Variants in EPB41L5 observed in about 807,000 individuals in gnomAD.
The protein encoded by EPB41L5 is erythrocyte membrane protein band 4.1 like 5, also known as band 4.1-like protein 5.
A neutral mutation model predicts 106.6 loss-of-function variants in EPB41L5; 55 were observed. The observed-to-expected ratio is 0.52, with a 90% CI of 0.42 to 0.65. The LOEUF is 0.65. Ranked by LOEUF, EPB41L5 falls within the 30% of genes least tolerant of loss-of-function variation. EPB41L5 has a pLI of 0.00. For missense variants in EPB41L5, 871 were observed against 882.1 expected (o/e 0.99, Z 0.16); for synonymous variants, 297 against 306.7 (o/e 0.97, Z 0.33).
chr2:120,071,064 G>A (rs1223568351), intron 3 of EPB41L5, among the ~76,000 whole-genome samples: 1 of 152,174 alleles, frequency 6.6e-6, no homozygotes, highest in Non-Finnish European at 1.5e-5. Flanking sequence ...GTTTGCAGAT[G>A]ACATGATTGT....
intron 11 of EPB41L5, 93 bp downstream of exon 11, chr2:120,087,333 T>G: frequency 1.4e-6 from 1 of 738,834 alleles, no homozygotes; most frequent in Non-Finnish European, 2.3e-6. Flanking sequence ...CCTCATTGTT[T>G]TAAAGAGCCA....
At chr2:120,151,050 T>C (rs1686648713) in intron 20 of EPB41L5, among the ~76,000 whole-genome samples, 1 of 152,170 alleles carries the variant, frequency 6.6e-6, no homozygotes, top group South Asian at 2.1e-4. Context: ...CAGCTGGGCA[T>C]GGTGGCTTAT....
At chr2:120,110,958 C>T (rs1479255042) in intron 16 of EPB41L5, among the ~76,000 whole-genome samples, 1 of 152,042 alleles carries the variant, frequency 6.6e-6, no homozygotes, top group Non-Finnish European at 1.5e-5. Context: ...TGTTAACACT[C>T]CACATACATT....
At chr2:120,064,847 G>T (rs546628174) in intron 3 of EPB41L5, among the ~76,000 whole-genome samples, 1 of 152,178 alleles carries the variant, frequency 6.6e-6, no homozygotes, top group Non-Finnish European at 1.5e-5. Flanking sequence ...GAATTTTCCA[G>T]GCCTCGGTCT....
intron 2 of EPB41L5, among the ~76,000 whole-genome samples, chr2:120,032,397 T>C (rs1324013847): frequency 6.6e-6 from 1 of 151,958 alleles, no homozygotes; most frequent in Non-Finnish European, 1.5e-5. Flanking sequence ...ACAAAAAAGC[T>C]GAAATGATAG....
intron 8 of EPB41L5, 32 bp downstream of exon 8, chr2:120,077,123 A>G (rs746005154): frequency 1.2e-6 from 2 of 1,604,128 alleles, no homozygotes; most frequent in Non-Finnish European, 1.7e-6. Context: ...TTTCTTTAAA[A>G]TCACCACAAC....
intron 10 of EPB41L5, among the ~76,000 whole-genome samples, chr2:120,079,139 A>G (rs1049671922): frequency 1.3e-5 from 2 of 152,196 alleles, no homozygotes; most frequent in Non-Finnish European, 2.9e-5. Context: ...ACTGTTTACA[A>G]TAAGATGTCT....
chr2:120,165,141 A>T (rs1687334861), intron 22 of EPB41L5, among the ~76,000 whole-genome samples: 1 of 152,250 alleles, frequency 6.6e-6, no homozygotes, highest in South Asian at 2.1e-4. Context: ...ATAATTCAAC[A>T]TCATATTAAA....
At chr2:120,108,948 A>G (rs1204342818) in intron 16 of EPB41L5, among the ~76,000 whole-genome samples, 1 of 152,198 alleles carries the variant, frequency 6.6e-6, no homozygotes, top group Non-Finnish European at 1.5e-5. Flanking sequence ...AAGGCATTGA[A>G]TATCAGTCTG....
chr2:120,090,553 C>T (rs748059499), intron 12 of EPB41L5, 37 bp downstream of exon 12: 2 of 1,563,408 alleles, frequency 1.3e-6, no homozygotes, highest in Admixed American at 3.8e-5. Context: ...TCTTTCATTG[C>T]ATACAGGCCA....
At chr2:120,107,202 G>T (rs1684504460) in intron 16 of EPB41L5, among the ~76,000 whole-genome samples, 1 of 152,036 alleles carries the variant, frequency 6.6e-6, no homozygotes. Context: ...GTGCCCCAGT[G>T]GTGGGAGCTA....
At chr2:120,118,705 A>G (rs998769059) in intron 16 of EPB41L5, among the ~76,000 whole-genome samples, 1 of 152,168 alleles carries the variant, frequency 6.6e-6, no homozygotes, top group Non-Finnish European at 1.5e-5. Context: ...GTAGTATTCC[A>G]TGGTGTAAAT....
At position 120,075,464 on chromosome 2, in the gene EPB41L5, C is replaced by G; in HGVS notation, c.408-12C>G. On this transcript the variant is annotated splice_polypyrimidine_tract_variant and intron_variant, in intron 5 of 24. Transcript: ENST00000263713. The stretch of plus-strand genomic sequence containing the variant: ...GCTGTTGGGTTAAATTTGTGCCTTT[C>G]ATTTTTCTTAGGTATTTATTTGTTC... The G allele has an allele frequency of 6.7e-7, 1 of 1,483,664 alleles. No homozygotes were observed. The allele number at this position is 1,483,664 out of a possible 1,614,324, so 91.9% of individuals were successfully genotyped here.
intron 12 of EPB41L5, 35 bp downstream of exon 12, chr2:120,090,551 T>C (rs371213893): frequency 3.1e-5 from 49 of 1,582,052 alleles, no homozygotes; most frequent in Non-Finnish European, 4.1e-5. Context: ...TGTCTTTCAT[T>C]GCATACAGGC....
intron 2 of EPB41L5, among the ~76,000 whole-genome samples, chr2:120,024,976 TTA>T (rs1678210667): frequency 6.6e-6 from 1 of 152,206 alleles, no homozygotes; most frequent in South Asian, 2.1e-4. Flanking sequence ...TTTTTTTGTT[TTA>T]TCTCTGCCAA....
At chr2:120,078,456 C>G (rs1414768065) in intron 9 of EPB41L5, 37 bp from the exon 10 acceptor site, 1 of 1,410,416 alleles carries the variant, frequency 7.1e-7, no homozygotes, top group South Asian at 1.3e-5. Context: ...CTGTTTTGTA[C>G]AAATAAAGCT....
At chr2:120,114,263 A>C (rs1684852276) in intron 16 of EPB41L5, among the ~76,000 whole-genome samples, 1 of 152,214 alleles carries the variant, frequency 6.6e-6, no homozygotes, top group Non-Finnish European at 1.5e-5. Context: ...ATCTACAGAC[A>C]GTTTCCAACT....
chr2:120,021,994 G>A (rs1677963202), intron 2 of EPB41L5, among the ~76,000 whole-genome samples: 2 of 152,156 alleles, frequency 1.3e-5, no homozygotes, highest in Admixed American at 1.3e-4. Flanking sequence ...TAAATAGGGT[G>A]AGAAGGCCTT....
intron 2 of EPB41L5, among the ~76,000 whole-genome samples, chr2:120,034,082 T>G (rs1414304984): frequency 6.6e-6 from 1 of 152,166 alleles, no homozygotes; most frequent in East Asian, 1.9e-4. Flanking sequence ...GACAACAGAG[T>G]TGTCCTGTCT....
Sources: allele counts gnomAD v4.1 joint callset (sites outside exome capture counted in the v4.1 genomes callset), GRCh38; gene constraint gnomAD v4.1.1; transcripts MANE v1.5; gene names NCBI Gene and HGNC (gene_info 2026-07-23, HGNC 2026-07-21).